The following DUSP15 variants were observed in gnomAD, a reference collection of about 807,000 sequenced individuals.
DUSP15 encodes the protein dual specificity phosphatase 15, also known as dual specificity protein phosphatase 15.
Under a neutral mutation model 26.3 loss-of-function variants are expected in DUSP15, and 23 were observed. The observed-to-expected ratio is 0.87, with a 90% CI of 0.63 to 1.24. DUSP15 has a LOEUF of 1.24. Among genes scored for constraint, DUSP15 ranks in the 50% most tolerant of loss-of-function variants. The pLI is 0.00. For synonymous variants in DUSP15, 143 were observed against 135.5 expected, an observed-to-expected ratio of 1.06 and a Z score of -0.39; for missense variants, 364 against 320.6, an observed-to-expected ratio of 1.14 and a Z score of -1.03.
Position 31,849,875 on chromosome 20 carries a change from CTGTGGGGCG to C in DUSP15, c.492-10_492-2del, listed in dbSNP as rs1313178422. The stretch of plus-strand genomic sequence containing the variant: ...AAGAGCCACACGTGCAGCCAGCAGG[CTGTGGGGCG>C]AGAGAGGGTGCACGGGCTGGACGTG... On this transcript the variant is annotated splice_acceptor_variant and splice_polypyrimidine_tract_variant and intron_variant, in intron 7 of 9. Coordinates refer to the DUSP15 transcript ENST00000278979. LOFTEE classifies it high-confidence loss of function. The C allele has an allele frequency of 2.7e-6, 4 of 1,493,248 alleles. No individual in the cohort carries two copies. In the African/African-American group the frequency reaches 5.8e-5, roughly 22 times the overall value. The allele number at this position is 1,493,248 out of a possible 1,614,324, so 92.5% of individuals were successfully genotyped here.
chr20:31,866,418 G>C (rs1234854712), intron 3 of DUSP15, among the ~76,000 whole-genome samples: 1 of 152,212 alleles, frequency 6.6e-6, no homozygotes, highest in Non-Finnish European at 1.5e-5. Context: ...CTGAGGCTCA[G>C]AGGGGGCAAA....
At chr20:31,867,638 T>TTTG in intron 2 of DUSP15, among the ~76,000 whole-genome samples, 1 of 40,804 alleles carries the variant, frequency 2.5e-5, no homozygotes, top group African/African-American at 1.0e-4. Flanking sequence ...AATGTTTTTT[T>TTTG]TTTTTTTTTT....
At chr20:31,868,158 G>A (rs2062815180) in intron 2 of DUSP15, among the ~76,000 whole-genome samples, 1 of 152,220 alleles carries the variant, frequency 6.6e-6, no homozygotes, top group South Asian at 2.1e-4. Context: ...CATTTACCGA[G>A]TGCTAACCAT....
downstream of DUSP15, chr20:31,847,598 T>C (rs1322959002): frequency 6.6e-6 from 1 of 152,178 alleles, no homozygotes; most frequent in East Asian, 1.9e-4. Context: ...TTCCTATAAA[T>C]AAAATCAGAA....
chr20:31,858,970 C>T (rs2123229852), downstream of DUSP15, among the ~76,000 whole-genome samples: 1 of 152,278 alleles, frequency 6.6e-6, no homozygotes, highest in Non-Finnish European at 1.5e-5. The surrounding 1 kb of genome is among the most constrained non-coding windows in gnomAD (Gnocchi z 4.4). Context: ...TTAGGAGTTC[C>T]CACTTACCGA....
chr20:31,870,610 C>A, upstream of DUSP15: 1 of 1,384,116 alleles, frequency 7.2e-7, no homozygotes, highest in Non-Finnish European at 9.3e-7. This position sits in a 1 kb window ranked among gnomAD's most constrained non-coding sequence, Gnocchi z 6.6. Context: ...CCTCGGGTCG[C>A]GGCGGGGGGC....
intron 6 of DUSP15, among the ~76,000 whole-genome samples, chr20:31,861,976 C>G (rs34450209): frequency 0.016 from 2,310 of 146,334 alleles, 37 homozygotes; most frequent in Non-Finnish European, 0.024. Context: ...ACTCCTCCCG[C>G]TTTGCACTTC....
Position 31,850,534 on chromosome 20 carries a change from A to G in DUSP15, c.491+78T>C. Reference sequence around the variant, plus strand: ...GGGCTGGGTGCTTTGGGTGGGAGAGAGAGGTGGGCTGGCCCCACCCCGCGG... The same window carrying G: ...GGGCTGGGTGCTTTGGGTGGGAGAGGGAGGTGGGCTGGCCCCACCCCGCGG... On this transcript the variant is annotated intron_variant, in intron 7 of 9. Transcript: ENST00000278979. The G allele has an allele frequency of 2.8e-6, 4 of 1,420,604 alleles. No individual in the cohort carries two copies. In the East Asian group the frequency reaches 9.9e-5, roughly 35 times the overall value. 88.0% of individuals were successfully genotyped at this position (1,420,604 alleles called of 1,614,324 possible).
At chr20:31,855,054 C>T (rs765315377) in intron 6 of DUSP15, among the ~76,000 whole-genome samples, 1 of 152,168 alleles carries the variant, frequency 6.6e-6, no homozygotes, top group Non-Finnish European at 1.5e-5. Context: ...GTATTTTCCC[C>T]AGAAGGCATA....
chr20:31,849,449 C>T (rs2062425731), intron 8 of DUSP15: 1 of 594,162 alleles, frequency 1.7e-6, no homozygotes, highest in Non-Finnish European at 3.2e-6. Context: ...TTTAATGTGC[C>T]CACTCTCCTC....
At chr20:31,847,541 TA>T (rs2062389987), downstream of DUSP15, 1 of 152,232 alleles carries the variant, frequency 6.6e-6, no homozygotes, top group Admixed American at 6.5e-5. Flanking sequence ...GGTGGCTTAT[TA>T]ATGTATCATT....
At chr20:31,863,307 C>T (rs146182202) in intron 5 of DUSP15, among the ~76,000 whole-genome samples, 26 of 151,728 alleles carry the variant, frequency 1.7e-4, no homozygotes, top group Non-Finnish European at 3.2e-4. Context: ...GCATAAGCCT[C>T]GTAGATTTGG....
In DUSP15 at chr20:31,848,737, G is replaced by A. The variant is rs2062409119; in HGVS notation, c.726+69C>T. 12 of 1,523,884 alleles carry A rather than the reference G, an allele frequency of 7.9e-6. 1 individual carries two copies. Among genetic ancestry groups the A allele is most frequent in the Middle Eastern group, 2.0e-4 (1 of 5,040 alleles). 94.4% of individuals were successfully genotyped at this position (1,523,884 alleles called of 1,614,324 possible). A position where few individuals can be genotyped will look rare whatever the true frequency, so the allele number is the denominator to read the frequency against. ...AGAGGCAGAGCTGGGACTGGAGGGA[G>A]TGTGGGAAGGGCTGTCTGGAGGGGA... On this transcript the variant is annotated intron_variant, in intron 9 of 9. Coordinates refer to the DUSP15 transcript ENST00000278979.
chr20:31,867,352 C>T (rs1393603703), intron 2 of DUSP15, among the ~76,000 whole-genome samples, 199 bp from the exon 3 acceptor site: 2 of 152,234 alleles, frequency 1.3e-5, no homozygotes, highest in Non-Finnish European at 2.9e-5. Flanking sequence ...CTTGCTCATT[C>T]TGTTCTTTCC....
chr20:31,845,628 T>G, downstream of DUSP15: 1 of 1,515,648 alleles, frequency 6.6e-7, no homozygotes, highest in South Asian at 1.2e-5. Context: ...CCCAGGCTGG[T>G]TAAAAGGTCC....
downstream of DUSP15, among the ~76,000 whole-genome samples, chr20:31,847,271 A>C (rs1358617060): frequency 5.9e-5 from 9 of 152,148 alleles, no homozygotes; most frequent in East Asian, 1.7e-3. Flanking sequence ...TGAGCCTAGG[A>C]TTCTGTAATT....
In DUSP15 at chr20:31,864,329, A is replaced by G. The variant is rs575842605; in HGVS notation, c.189-348T>C. The G allele has an allele frequency of 1.6e-5, 17 of 1,071,544 alleles. No homozygotes were observed. In the East Asian group the frequency reaches 9.2e-4, roughly 58 times the overall value. The allele number at this position is 1,071,544 out of a possible 1,614,324, so 66.4% of individuals were successfully genotyped here. A position where few individuals can be genotyped will look rare whatever the true frequency, so the allele number is the denominator to read the frequency against. ...GGGTCCCACTCCTCTGGGGTCTGCA[A>G]TCAGAGCACCTGGGCACAATGATGG... On this transcript the variant is annotated intron_variant, in intron 4 of 6. Transcript: ENST00000339738.
chr20:31,869,742 G>T, intron 1 of DUSP15, 145 bp from the exon 2 acceptor site: 3 of 1,496,562 alleles, frequency 2.0e-6, no homozygotes, highest in Non-Finnish European at 1.8e-6. Context: ...CCTTTTGTGG[G>T]CCCTGAGTCC....
chr20:31,847,440 T>C (rs919820487), downstream of DUSP15, among the ~76,000 whole-genome samples: 1 of 151,946 alleles, frequency 6.6e-6, no homozygotes, highest in Non-Finnish European at 1.5e-5. Context: ...TGGAACAGAG[T>C]AGGTGTTCAA....
Sources: allele counts gnomAD v4.1 joint callset (sites outside exome capture counted in the v4.1 genomes callset), GRCh38; gene constraint gnomAD v4.1.1; non-coding constraint Gnocchi (gnomAD v3.1); transcripts MANE v1.5; gene names NCBI Gene and HGNC (gene_info 2026-07-23, HGNC 2026-07-21).